The following PTPRM variants were observed in gnomAD, a reference collection of about 807,000 sequenced individuals.
PTPRM encodes receptor-type tyrosine-protein phosphatase mu.
A neutral mutation model predicts 186.7 loss-of-function variants in PTPRM; 47 were observed. The ratio of observed to expected loss-of-function variants is 0.25; its 90% CI spans 0.20 to 0.32. The LOEUF (loss-of-function observed/expected upper bound fraction) is 0.32, where lower values mean the gene tolerates loss of function less well. Ranked by LOEUF, PTPRM falls within the 10% of genes least tolerant of loss-of-function variation. The pLI is 1.00. For synonymous variants in PTPRM, 668 were observed against 674.9 expected (o/e 0.99, Z 0.16); for missense variants, 1,494 against 1,865.0 (o/e 0.80, Z 3.66).
At chr18:8,326,000 T>A (rs2095373745) in intron 22 of PTPRM, among the ~76,000 whole-genome samples, 1 of 152,244 alleles carries the variant, frequency 6.6e-6, no homozygotes, top group South Asian at 2.1e-4. Flanking sequence ...TTCCTGTTTT[T>A]TGCCAAATTT....
chr18:7,704,508 C>G (rs1358044320), intron 1 of PTPRM, among the ~76,000 whole-genome samples: 4 of 152,018 alleles, frequency 2.6e-5, no homozygotes, highest in Admixed American at 2.6e-4. Context: ...TCTGTGGGAT[C>G]AGGGGTGATA....
chr18:8,401,818 C>T (rs2095873671), intron 32 of PTPRM, among the ~76,000 whole-genome samples: 1 of 152,238 alleles, frequency 6.6e-6, no homozygotes, highest in African/African-American at 2.4e-5. Context: ...TTCCCTTGCA[C>T]ATTTTGCTTT....
rs938205003 is a variant in PTPRM at position 7,567,439 on chromosome 18, G to A, written c.-380G>A. 1 of 159,368 alleles carries A rather than the reference G, an allele frequency of 6.3e-6. No individual in the cohort carries two copies. The highest frequency in any genetic ancestry group is 2.4e-5 in the African/African-American group (1 of 41,556). The allele number at this position is 159,368 out of a possible 1,614,324, so 9.9% of individuals were successfully genotyped here. A position where few individuals can be genotyped will look rare whatever the true frequency, so the allele number is the denominator to read the frequency against. ...CGGCGGGCGGAACGCGCGCGGCCAC[G>A]GCCACGGCCACCGCCACGGCCACGG... On this transcript the variant is annotated 5_prime_UTR_variant, in exon 1 of 33. Coordinates refer to ENST00000580170, the MANE Select transcript of PTPRM (RefSeq NM_001105244.2). This position sits in a 1 kb window ranked among gnomAD's most constrained non-coding sequence, Gnocchi z 4.3.
intron 2 of PTPRM, among the ~76,000 whole-genome samples, chr18:7,800,889 G>A (rs1007024491): frequency 3.9e-5 from 6 of 152,170 alleles, no homozygotes; most frequent in South Asian, 2.1e-4. Context: ...AAGTATTAAC[G>A]TATCTAAACA....
intron 1 of PTPRM, among the ~76,000 whole-genome samples, chr18:7,639,863 TA>T (rs1312567019): frequency 2.0e-5 from 3 of 152,244 alleles, no homozygotes; most frequent in African/African-American, 7.2e-5. Flanking sequence ...AGTTAGAATA[TA>T]TCTGTATTTG....
chr18:8,072,080 T>C (rs958738201), intron 8 of PTPRM, among the ~76,000 whole-genome samples: 1 of 152,194 alleles, frequency 6.6e-6, no homozygotes, highest in African/African-American at 2.4e-5. Context: ...TATTGTAAAC[T>C]ACTTGACAAG....
intron 13 of PTPRM, chr18:8,122,252 C>T (rs961136304): frequency 2.0e-5 from 3 of 152,674 alleles, no homozygotes; most frequent in African/African-American, 7.2e-5. Flanking sequence ...CTGCGATAAT[C>T]GTGACTCAGC....
intron 2 of PTPRM, among the ~76,000 whole-genome samples, chr18:7,849,715 A>G (rs1341966829): frequency 6.6e-6 from 1 of 152,220 alleles, no homozygotes; most frequent in Non-Finnish European, 1.5e-5. Flanking sequence ...ACTTAAAAGA[A>G]TGGACCAGTT....
At chr18:8,331,072 C>T (rs1361185518) in intron 22 of PTPRM, among the ~76,000 whole-genome samples, 1 of 141,558 alleles carries the variant, frequency 7.1e-6, no homozygotes, top group African/African-American at 2.6e-5. Flanking sequence ...CCTTTCTCGA[C>T]CTGCTTTCTG....
At chr18:7,820,730 G>A (rs1308874319) in intron 2 of PTPRM, among the ~76,000 whole-genome samples, 1 of 152,108 alleles carries the variant, frequency 6.6e-6, no homozygotes, top group East Asian at 1.9e-4. Flanking sequence ...CCTCCCGTGG[G>A]TGACTTCCCC....
intron 20 of PTPRM, among the ~76,000 whole-genome samples, chr18:8,303,029 G>A (rs1009187600): frequency 3.9e-5 from 6 of 152,136 alleles, no homozygotes; most frequent in African/African-American, 1.4e-4. Flanking sequence ...CCCATTTCAT[G>A]GGTCATATGG....
intron 1 of PTPRM, among the ~76,000 whole-genome samples, chr18:7,648,129 A>G (rs2038608391): frequency 6.6e-6 from 1 of 152,070 alleles, no homozygotes; most frequent in African/African-American, 2.4e-5. Context: ...TTTCATTAGT[A>G]TTGTATCTGT....
chr18:7,768,738 C>T (rs1298195708), intron 1 of PTPRM, among the ~76,000 whole-genome samples: 2 of 151,734 alleles, frequency 1.3e-5, no homozygotes, highest in Non-Finnish European at 2.9e-5. Flanking sequence ...CCTCCACCTC[C>T]CAGGTGCAAG....
At chr18:7,789,746 G>A (rs1568133094) in intron 2 of PTPRM, among the ~76,000 whole-genome samples, 1 of 152,108 alleles carries the variant, frequency 6.6e-6, no homozygotes, top group Non-Finnish European at 1.5e-5. Context: ...GCTTGTGCAG[G>A]GAAGGGTTGC....
At chr18:8,304,489 G>A (rs1226703742) in intron 20 of PTPRM, among the ~76,000 whole-genome samples, 4 of 152,080 alleles carry the variant, frequency 2.6e-5, no homozygotes, top group Non-Finnish European at 5.9e-5. Context: ...ATCTAGTAAA[G>A]GCTTTTTTTG....
intron 22 of PTPRM, among the ~76,000 whole-genome samples, chr18:8,320,606 A>C (rs1282307154): frequency 6.6e-6 from 1 of 152,212 alleles, no homozygotes; most frequent in Non-Finnish European, 1.5e-5. Context: ...CTGTGGTGGC[A>C]TTGGACAGCA....
At chr18:7,644,883 A>G (rs945522300) in intron 1 of PTPRM, among the ~76,000 whole-genome samples, 8 of 152,258 alleles carry the variant, frequency 5.3e-5, no homozygotes, top group Middle Eastern at 3.4e-3. Context: ...TTATTTTGCA[A>G]TTTTCATTTT....
At chr18:8,202,272 C>T (rs925611691) in intron 14 of PTPRM, among the ~76,000 whole-genome samples, 3 of 152,188 alleles carry the variant, frequency 2.0e-5, no homozygotes, top group African/African-American at 7.2e-5. Context: ...TTTCCCAGCC[C>T]TCCCTTGGCA....
chr18:7,607,810 C>T lies in PTPRM; in HGVS notation c.73+39919C>T, dbSNP rs186053974. Among the ~76,000 whole-genome samples the T allele has an allele frequency of 5.9e-5, 9 of 152,358 alleles. No homozygotes were observed. In the East Asian group the frequency reaches 1.2e-3, roughly 20 times the overall value. The stretch of plus-strand genomic sequence containing the variant: ...GCTCTGCCTTCCTCGGAGCACTGCT[C>T]ATCCTCTCTTCGTATATCAAAGCCC... On this transcript the variant is annotated intron_variant, in intron 1 of 32. Coordinates refer to ENST00000580170, the MANE Select transcript of PTPRM (RefSeq NM_001105244.2).
Sources: gnomAD v4.1 joint callset for allele counts (sites outside exome capture counted in the v4.1 genomes callset) on GRCh38, gnomAD v4.1.1 for gene constraint, Gnocchi (gnomAD v3.1) non-coding constraint, MANE v1.5 for transcripts, NCBI Gene and HGNC (gene_info 2026-07-23, HGNC 2026-07-21) for gene names.